POLQ: variants seen among roughly 807,000 people sequenced by gnomAD.
POLQ encodes epididymis secretory sperm binding protein.
Under a neutral mutation model 259.2 loss-of-function variants are expected in POLQ, and 233 were observed. The observed-to-expected ratio is 0.90, with a 90% CI of 0.81 to 1.00. The LOEUF is 1.00. POLQ is among the 50% of genes least tolerant of loss of function. POLQ has a pLI of 0.00. For synonymous variants in POLQ, 1,025 were observed against 1,048.8 expected (o/e 0.98, Z 0.44); for missense variants, 2,871 against 3,051.6 (o/e 0.94, Z 1.39).
In POLQ at chr3:121,511,921, TCTTCTC is replaced by T. The variant is rs2048258329; in HGVS notation, c.1571_1576del (p.Gly524_Glu525del). 1 of 1,613,942 alleles carries T rather than the reference TCTTCTC, an allele frequency of 6.2e-7. No homozygotes were observed. Among genetic ancestry groups the T allele is most frequent in the Admixed American group, 1.7e-5 (1 of 60,014 alleles). Reference sequence around the variant, plus strand: ...AGCTCGTATCATGCTGCCAGTTACTTCTTCTCCTTCTCGTCTTTGCAGACAGCTGCG... The same window carrying T: ...AGCTCGTATCATGCTGCCAGTTACTTCTTCTCGTCTTTGCAGACAGCTGCG... On this transcript the variant is annotated inframe_deletion, in exon 10 of 30. Transcript: ENST00000264233.
chr3:121,527,309 A>C (rs2048380614), intron 7 of POLQ, among the ~76,000 whole-genome samples: 1 of 152,080 alleles, frequency 6.6e-6, no homozygotes, highest in Non-Finnish European at 1.5e-5. Flanking sequence ...TGATCCGCCC[A>C]CCTCATCCTC....
chr3:121,439,869 T>C (rs191711974), intron 27 of POLQ, 123 bp downstream of exon 27: 1 of 831,730 alleles, frequency 1.2e-6, no homozygotes. Context: ...TGACGTTGTC[T>C]ATACAGAAAA....
rs75509410 is a variant in POLQ, at chr3:121,541,525, C to T, written c.344-46G>A. 3,814 of 1,508,936 alleles carry T rather than the reference C, an allele frequency of 2.5e-3. 84 individuals carry two copies. In the African/African-American group the frequency reaches 0.046, roughly 18 times the overall value. 93.5% of individuals were successfully genotyped at this position (1,508,936 alleles called of 1,614,324 possible). On this transcript the variant is annotated intron_variant, in intron 2 of 29. Coordinates refer to ENST00000264233, the MANE Select transcript of POLQ (RefSeq NM_199420.4). ...AAGATTATAAGAAAAAAGTAATATT[C>T]GGTACAATTCATTAATAAATGTTTT...
At chr3:121,449,488 C>T in intron 25 of POLQ, 62 bp from the exon 26 acceptor site, 1 of 895,632 alleles carries the variant, frequency 1.1e-6, no homozygotes, top group Non-Finnish European at 1.8e-6. Flanking sequence ...TAAAAGGGTT[C>T]ATTAGGATGC....
At chr3:121,446,163 A>C (rs1440050131) in intron 26 of POLQ, among the ~76,000 whole-genome samples, 3 of 151,682 alleles carry the variant, frequency 2.0e-5, no homozygotes, top group Non-Finnish European at 4.4e-5. Flanking sequence ...GTTTCAAGAA[A>C]TTTTAAATTT....
intron 8 of POLQ, among the ~76,000 whole-genome samples, chr3:121,521,023 T>C (rs1383183528): frequency 6.6e-6 from 1 of 152,162 alleles, no homozygotes; most frequent in Non-Finnish European, 1.5e-5. Context: ...GGTACACAGG[T>C]GTTCACTTTT....
In POLQ at chr3:121,506,061, A is replaced by G. The variant is rs1037700165; in HGVS notation, c.1959+3500T>C. 2.6e-5 allele frequency among the ~76,000 whole-genome samples: 4 copies of G among 151,514 alleles called. No homozygotes were observed. The South Asian group carries it at 8.4e-4, about 32-fold the overall frequency. Reference sequence around the variant, plus strand: ...AAAAAAATAGGGGGATCACAACTATACAATTACTTGAAGAAAATGTGGGTG... The same window carrying G: ...AAAAAAATAGGGGGATCACAACTATGCAATTACTTGAAGAAAATGTGGGTG... On this transcript the variant is annotated intron_variant, in intron 12 of 29. Coordinates refer to ENST00000264233, the MANE Select transcript of POLQ (RefSeq NM_199420.4).
intron 9 of POLQ, among the ~76,000 whole-genome samples, chr3:121,519,531 C>G (rs1249781513): frequency 6.6e-6 from 1 of 150,498 alleles, no homozygotes; most frequent in African/African-American, 2.4e-5. Flanking sequence ...AAAAAATTAG[C>G]CGGGCATGGT....
intron 25 of POLQ, among the ~76,000 whole-genome samples, chr3:121,454,942 G>C (rs1224054381): frequency 1.3e-5 from 2 of 152,016 alleles, no homozygotes; most frequent in African/African-American, 4.8e-5. Context: ...TTTTTCAGCA[G>C]CACACCACAC....
chr3:121,533,954 G>A (rs1266348947), intron 5 of POLQ, among the ~76,000 whole-genome samples: 1 of 124,490 alleles, frequency 8.0e-6, no homozygotes, highest in Non-Finnish European at 1.6e-5. Flanking sequence ...CCCACTCACT[G>A]CAAGCTCCGT....
chr3:121,451,796 C>T (rs1249358612), intron 25 of POLQ, among the ~76,000 whole-genome samples: 3 of 152,190 alleles, frequency 2.0e-5, no homozygotes, highest in African/African-American at 4.8e-5. Flanking sequence ...GCGGGGAGAA[C>T]CACTACTCTC....
rs1288407680 is a variant in POLQ, at chr3:121,436,159, A to G, written c.7506T>C (p.His2502=). The G allele has an allele frequency of 1.9e-6, 3 of 1,613,838 alleles. No homozygotes were observed. In the East Asian group the frequency reaches 6.7e-5, roughly 36 times the overall value. Residue 2502 remains histidine (H), a synonymous_variant, in exon 28 of 30, where the codon CAT becomes CAC. Transcript: ENST00000264233. The part of the protein sequence containing the change: ...LETFHSTFKS[H]GHREGMLQSD... ...TTTGGAGCATACCCTCTCGATGACC[A>G]TGGGATTTGAAGGTTGAGTGGAAGG...
intron 20 of POLQ, 106 bp downstream of exon 20, chr3:121,476,434 G>T (rs2047925674): frequency 1.3e-6 from 1 of 750,758 alleles, no homozygotes; most frequent in Non-Finnish European, 2.1e-6. Flanking sequence ...TCATTTTACT[G>T]ACCTTTGGTG....
chr3:121,474,897 A>C (rs1251155291), intron 20 of POLQ, among the ~76,000 whole-genome samples: 1 of 152,198 alleles, frequency 6.6e-6, no homozygotes, highest in Non-Finnish European at 1.5e-5. Flanking sequence ...GACAAATTAT[A>C]GTTGTATACA....
chr3:121,505,498 C>T (rs867091479), intron 12 of POLQ, among the ~76,000 whole-genome samples: 7 of 151,374 alleles, frequency 4.6e-5, no homozygotes, highest in Middle Eastern at 6.8e-3. Context: ...GGTCTTTTGT[C>T]AGACTAACAA....
chr3:121,476,445 T>C, intron 20 of POLQ, 95 bp downstream of exon 20: 1 of 849,016 alleles, frequency 1.2e-6, no homozygotes, highest in Non-Finnish European at 1.7e-6. Flanking sequence ...ACCTTTGGTG[T>C]TCAGGTAAAT....
At chr3:121,525,911 A>C (rs1360087933) in intron 7 of POLQ, among the ~76,000 whole-genome samples, 1 of 151,876 alleles carries the variant, frequency 6.6e-6, no homozygotes, top group African/African-American at 2.4e-5. Flanking sequence ...TGCCATTTTC[A>C]CAATCTTTTT....
At chr3:121,539,630 G>A (rs1199540709) in intron 3 of POLQ, 41 bp from the exon 4 acceptor site, 3 of 1,507,122 alleles carry the variant, frequency 2.0e-6, no homozygotes. Context: ...GAAAAAACTT[G>A]AAATTCAAGA....
chr3:121,471,960 A>G (rs988078163), intron 22 of POLQ, 30 bp downstream of exon 22: 10 of 1,249,960 alleles, frequency 8.0e-6, no homozygotes, highest in Admixed American at 2.6e-5. Context: ...TCAAAATTGG[A>G]TATTGTTTAT....
Sources: allele counts gnomAD v4.1 joint callset (sites outside exome capture counted in the v4.1 genomes callset), GRCh38; gene constraint gnomAD v4.1.1; transcripts MANE v1.5; gene names NCBI Gene and HGNC (gene_info 2026-07-23, HGNC 2026-07-21).